MYCBPAP: variants seen among roughly 807,000 people sequenced by gnomAD.
The protein encoded by MYCBPAP is MYCBP associated protein.
In MYCBPAP, 60 loss-of-function variants were observed where a neutral mutation model predicts 106.1. The ratio of observed to expected loss-of-function variants is 0.57; its 90% CI spans 0.46 to 0.70. The LOEUF is 0.70. MYCBPAP is among the 30% of genes least tolerant of loss of function. The pLI is 0.00. For synonymous variants in MYCBPAP, 407 were observed against 440.6 expected, an observed-to-expected ratio of 0.92 and a Z score of 0.95; for missense variants, 1,064 against 1,169.3, an observed-to-expected ratio of 0.91 and a Z score of 1.31.
chr17:50,527,193 G>A, intron 14 of MYCBPAP, 94 bp from the exon 15 acceptor site: 1 of 1,546,880 alleles, frequency 6.5e-7, no homozygotes, highest in Non-Finnish European at 8.8e-7. Flanking sequence ...CCTGGTTCCT[G>A]GTCCCCTGCC....
At chr17:50,517,736 C>T (rs754504968) in intron 4 of MYCBPAP, 38 bp downstream of exon 4, 1 of 1,577,200 alleles carries the variant, frequency 6.3e-7, no homozygotes, top group South Asian at 1.1e-5. Context: ...AGAGCAGTCA[C>T]TGAAGTCATT....
chr17:50,519,823 T>G, intron 7 of MYCBPAP, 36 bp downstream of exon 7: 5 of 1,600,198 alleles, frequency 3.1e-6, no homozygotes, highest in Non-Finnish European at 3.4e-6. Flanking sequence ...TAGCATCTTG[T>G]GCCTGGCCCG....
At chr17:50,524,781 T>G in intron 12 of MYCBPAP, 96 bp from the exon 13 acceptor site, 1 of 1,230,298 alleles carries the variant, frequency 8.1e-7, no homozygotes, top group Admixed American at 1.9e-5. Flanking sequence ...ACTCAGACCC[T>G]AGGAAGGCAC....
chr17:50,510,821 C>T (rs2033819874), intron 1 of MYCBPAP, among the ~76,000 whole-genome samples: 1 of 151,058 alleles, frequency 6.6e-6, no homozygotes, highest in East Asian at 1.9e-4. Flanking sequence ...GTGCCTGGCC[C>T]GTGACATACT....
In MYCBPAP at chr17:50,508,566, C is replaced by T. The variant is rs1278341007; in HGVS notation, c.-109C>T. The T allele has an allele frequency of 6.5e-7, 1 of 1,547,538 alleles. No homozygotes were observed. Among genetic ancestry groups the T allele is most frequent in the Non-Finnish European group, 8.7e-7 (1 of 1,146,016 alleles). Reference sequence around the variant, plus strand: ...GGTGGATGCGCGCCCCCGCGCGGGGCACCGGTTGCTGTGGACGCAGTGGCG... The same window carrying T: ...GGTGGATGCGCGCCCCCGCGCGGGGTACCGGTTGCTGTGGACGCAGTGGCG... On this transcript the variant is annotated 5_prime_UTR_variant, in exon 1 of 19. Transcript: ENST00000323776.
intron 10 of MYCBPAP, chr17:50,522,709 A>AAAAATATATATATATATAT: frequency 8.0e-5 from 4 of 50,010 alleles, no homozygotes; most frequent in African/African-American, 4.8e-4. Context: ...AAAAAAAAAA[A>AAAAATATATATATATATAT]ATATATATAT....
chr17:50,508,849 C>G, intron 1 of MYCBPAP, 99 bp downstream of exon 1: 1 of 1,080,682 alleles, frequency 9.3e-7, no homozygotes, highest in South Asian at 1.3e-5. Flanking sequence ...GGGATGGCAC[C>G]AGGGATGGAG....
chr17:50,510,499 G>GTGTGTGTGTGTA (rs1418345705), intron 1 of MYCBPAP: 1 of 76,414 alleles, frequency 1.3e-5, no homozygotes, highest in African/African-American at 4.6e-5. Flanking sequence ...GTGTGTGTGT[G>GTGTGTGTGTGTA]TATATATATA....
At chr17:50,530,829 C>CTT (rs2034611827) in intron 18 of MYCBPAP, among the ~76,000 whole-genome samples, 1 of 152,034 alleles carries the variant, frequency 6.6e-6, no homozygotes, top group African/African-American at 2.4e-5. Context: ...GGAGTTGCCC[C>CTT]TTGAACAACT....
chr17:50,526,359 A>G, intron 14 of MYCBPAP, 92 bp downstream of exon 14: 2 of 1,314,762 alleles, frequency 1.5e-6, no homozygotes, highest in Non-Finnish European at 2.0e-6. Flanking sequence ...CTCTATGGGC[A>G]AAGAAACAAA....
At chr17:50,513,035 G>A (rs1436568985) in intron 1 of MYCBPAP, among the ~76,000 whole-genome samples, 1 of 152,038 alleles carries the variant, frequency 6.6e-6, no homozygotes, top group Admixed American at 6.6e-5. Flanking sequence ...TAGCCAACAT[G>A]GTGAAACCCA....
chr17:50,525,808 C>T, intron 13 of MYCBPAP, 73 bp from the exon 14 acceptor site: 1 of 1,497,730 alleles, frequency 6.7e-7, no homozygotes, highest in Non-Finnish European at 8.8e-7. Context: ...TATTTATGTC[C>T]TTATTTACAT....
rs907102913 is a variant in MYCBPAP at position 50,525,211 on chromosome 17, C to A, written c.1782+188C>A. On this transcript the variant is annotated intron_variant, in intron 13 of 18. Coordinates refer to ENST00000323776, the MANE Select transcript of MYCBPAP (RefSeq NM_032133.6). ...CGAATCCCATTGTGAACTGCGCATG[C>A]GAGGGATGGAAATTGTACACTCCTT... 4 of 611,438 alleles carry A rather than the reference C, an allele frequency of 6.5e-6. No homozygotes were observed. In the African/African-American group the frequency reaches 7.5e-5, roughly 11 times the overall value. The allele number at this position is 611,438 out of a possible 1,614,324, so 37.9% of individuals were successfully genotyped here. A position where few individuals can be genotyped will look rare whatever the true frequency, so the allele number is the denominator to read the frequency against.
rs752347924 is a variant in MYCBPAP, at chr17:50,524,973, G to C, written c.1732G>C (p.Val578Leu). The C allele has an allele frequency of 2.5e-6, 4 of 1,613,878 alleles. No homozygotes were observed. The African/African-American group carries it at 5.3e-5, about 22-fold the overall frequency. Reference protein sequence around the residue: ...VLTPERTPSPVDAYLTEEDLF... With the variant: ...VLTPERTPSPLDAYLTEEDLF... ...GACCCCGGAGCGCACACCATCACCTGTGGATGCCTATCTCACCGAGGAAGA... is the reference window on the plus strand; with the variant it reads ...GACCCCGGAGCGCACACCATCACCTCTGGATGCCTATCTCACCGAGGAAGA... Residue 578 changes from valine (V) to leucine (L), a missense_variant, in exon 13 of 19, where the codon GTG (valine) becomes CTG (leucine). Transcript: ENST00000323776.
At chr17:50,524,366 G>A (rs1214091601) in intron 12 of MYCBPAP, among the ~76,000 whole-genome samples, 3 of 152,158 alleles carry the variant, frequency 2.0e-5, no homozygotes, top group African/African-American at 7.2e-5. Flanking sequence ...CACAAGGCCG[G>A]CTCCTTCATG....
intron 18 of MYCBPAP, chr17:50,530,353 G>C (rs2034594245): frequency 3.7e-6 from 1 of 272,358 alleles, no homozygotes; most frequent in African/African-American, 2.3e-5. Context: ...AAATTAGCCA[G>C]GCATGGTGAC....
rs2034186343 is a variant in MYCBPAP, at chr17:50,519,688, G to A, written c.817G>A (p.Glu273Lys). 1 of 1,614,156 alleles carries A rather than the reference G, an allele frequency of 6.2e-7. No homozygotes were observed. Among genetic ancestry groups the A allele is most frequent in the African/African-American group, 1.3e-5 (1 of 75,052 alleles). The change falls in exon 7 of 19, where the codon GAG becomes AAG. Residue 273 changes from glutamate (E) to lysine (K), a missense_variant. By Grantham distance (56) the Glu-to-Lys change is moderately conservative. Transcript: ENST00000323776. ...FWSRLEYLGD[E>K]MTGLVMTKTK... ...GAGTCGACTGGAATACTTGGGAGAT[G>A]AGATGACAGGTCTGGTCATGACCAA...
At chr17:50,522,883 G>T (rs912465141) in intron 10 of MYCBPAP, 56 bp from the exon 11 acceptor site, 1 of 1,551,598 alleles carries the variant, frequency 6.4e-7, no homozygotes, top group Non-Finnish European at 8.8e-7. Flanking sequence ...CAGATGAGTT[G>T]TTCACTCTAG....
intron 1 of MYCBPAP, among the ~76,000 whole-genome samples, chr17:50,511,788 A>T (rs2033858476): frequency 6.6e-6 from 1 of 152,152 alleles, no homozygotes. Flanking sequence ...CTCAGTAGTC[A>T]GACATACCTC....
Sources: allele counts gnomAD v4.1 joint callset (sites outside exome capture counted in the v4.1 genomes callset), GRCh38; gene constraint gnomAD v4.1.1; transcripts MANE v1.5; gene names NCBI Gene and HGNC (gene_info 2026-07-23, HGNC 2026-07-21).